XRCC4: variants seen among roughly 807,000 people sequenced by gnomAD.
The protein encoded by XRCC4 is DNA repair protein XRCC4.
XRCC4 carries 28 observed loss-of-function variants against 39.1 expected under a neutral mutation model. The ratio of observed to expected loss-of-function variants is 0.72; its 90% confidence interval spans 0.53 to 0.98. XRCC4 has a LOEUF of 0.98. Among genes scored for constraint, XRCC4 ranks in the 50% least tolerant of loss-of-function variants. The pLI is 0.00. For synonymous variants in XRCC4, 123 were observed against 126.4 expected, an observed-to-expected ratio of 0.97 and a Z score of 0.18; for missense variants, 350 against 376.4, an observed-to-expected ratio of 0.93 and a Z score of 0.58.
chr5:83,122,425 G>C (rs1165095807), intron 3 of XRCC4, among the ~76,000 whole-genome samples: 1 of 152,090 alleles, frequency 6.6e-6, no homozygotes, highest in Admixed American at 6.6e-5. Context: ...CATCCAATGG[G>C]AAGAAGGCAG....
At chr5:83,222,678 C>T (rs916196711) in intron 6 of XRCC4, among the ~76,000 whole-genome samples, 2 of 151,954 alleles carry the variant, frequency 1.3e-5, no homozygotes, top group Admixed American at 6.6e-5. Context: ...TTTATTTCAT[C>T]GTGGTCAGAA....
the XRCC4 span, among the ~76,000 whole-genome samples, chr5:83,363,393 G>T: frequency 6.6e-6 from 1 of 152,100 alleles, no homozygotes. Flanking sequence ...ACCTGAATAA[G>T]CATCTGTGAA....
the XRCC4 span, among the ~76,000 whole-genome samples, chr5:83,371,670 C>T: frequency 3.9e-5 from 6 of 152,056 alleles, no homozygotes; most frequent in African/African-American, 1.4e-4. Flanking sequence ...TTGGCTGGTA[C>T]ATGAGTGTGT....
intron 3 of XRCC4, among the ~76,000 whole-genome samples, chr5:83,170,265 A>C (rs1400333267): frequency 6.6e-6 from 1 of 152,068 alleles, no homozygotes; most frequent in Admixed American, 6.6e-5. Context: ...TAACTGTCCA[A>C]CTCCTTTACT....
At chr5:83,285,243 G>T (rs1456187082) in intron 7 of XRCC4, among the ~76,000 whole-genome samples, 1 of 152,088 alleles carries the variant, frequency 6.6e-6, no homozygotes, top group African/African-American at 2.4e-5. Flanking sequence ...TAAATGTGTA[G>T]AAGTTTACAT....
At chr5:83,365,566 G>C in the XRCC4 span, among the ~76,000 whole-genome samples, 1 of 152,212 alleles carries the variant, frequency 6.6e-6, no homozygotes, top group South Asian at 2.1e-4. Context: ...ACAGCCCTTC[G>C]TGAAAGCTGA....
chr5:83,139,763 G>A (rs1310846169), intron 3 of XRCC4, among the ~76,000 whole-genome samples: 1 of 152,050 alleles, frequency 6.6e-6, no homozygotes, highest in Non-Finnish European at 1.5e-5. Flanking sequence ...TAATACAGTG[G>A]TAAATCTTTG....
chr5:83,294,671 C>G (rs958011870), intron 7 of XRCC4, among the ~76,000 whole-genome samples: 2 of 151,582 alleles, frequency 1.3e-5, no homozygotes, highest in Admixed American at 1.3e-4. Flanking sequence ...AGTTCATAGG[C>G]AAATAATAAT....
At chr5:83,170,161 ATACT>A (rs776053967) in intron 3 of XRCC4, among the ~76,000 whole-genome samples, 1 of 152,178 alleles carries the variant, frequency 6.6e-6, no homozygotes, top group Non-Finnish European at 1.5e-5. Flanking sequence ...TACCAATAAC[ATACT>A]TAGTAACATT....
At chr5:83,316,588 G>A (rs748992561) in intron 7 of XRCC4, among the ~76,000 whole-genome samples, 2,930 of 149,900 alleles carry the variant, frequency 0.02, 43 homozygotes, top group Non-Finnish European at 0.029. Flanking sequence ...AACCAACAAA[G>A]ATCAAAAGAG....
rs1422688543 is a variant in XRCC4 at position 83,298,121 on chromosome 5, C to CAA, written c.893+39446_893+39447dup. Among the ~76,000 whole-genome samples the CAA allele has an allele frequency of 4.6e-5, 7 of 151,566 alleles. No individual in the cohort carries two copies. In the East Asian group the frequency reaches 1.4e-3, roughly 29 times the overall value. On this transcript the variant is annotated intron_variant, in intron 7 of 7. Coordinates refer to ENST00000396027, the MANE Select transcript of XRCC4 (RefSeq NM_003401.5). Reference sequence around the variant, plus strand: ...GCTTAGAGAGGTTAAATAAGTTCAACAAAGTCGTAAAGCACATAAATGACA... The same window carrying CAA: ...GCTTAGAGAGGTTAAATAAGTTCAACAAAAAGTCGTAAAGCACATAAATGACA...
chr5:83,255,111 G>GAA (rs1753487733), intron 6 of XRCC4, among the ~76,000 whole-genome samples: 6 of 149,388 alleles, frequency 4.0e-5, no homozygotes, highest in Admixed American at 6.6e-5. Flanking sequence ...AAAAAGAAAA[G>GAA]AAATTTGAAA....
At chr5:83,310,904 G>T (rs1421462340) in intron 7 of XRCC4, 4 of 455,298 alleles carry the variant, frequency 8.8e-6, no homozygotes, top group Non-Finnish European at 1.3e-5. Context: ...ACAGATCCAA[G>T]AACTGAAGCT....
chr5:83,218,009 C>T (rs1039971616), intron 6 of XRCC4, among the ~76,000 whole-genome samples: 1 of 151,272 alleles, frequency 6.6e-6, no homozygotes, highest in Non-Finnish European at 1.5e-5. Context: ...AGTATGTGGT[C>T]GCTTATTTAA....
chr5:83,101,979 T>C (rs201758690), intron 1 of XRCC4, among the ~76,000 whole-genome samples: 1 of 42,886 alleles, frequency 2.3e-5, no homozygotes, highest in East Asian at 2.9e-4. Flanking sequence ...TTAGTTGATA[T>C]TAAACTCAAA....
At chr5:83,343,519 G>C (rs1756825517) in intron 7 of XRCC4, among the ~76,000 whole-genome samples, 1 of 152,116 alleles carries the variant, frequency 6.6e-6, no homozygotes, top group African/African-American at 2.4e-5. Flanking sequence ...TGTATTTACA[G>C]GTTTGTCAGT....
intron 7 of XRCC4, among the ~76,000 whole-genome samples, chr5:83,343,989 AG>A (rs1324021413): frequency 3.3e-5 from 5 of 152,164 alleles, no homozygotes; most frequent in African/African-American, 4.8e-5. Context: ...TCTTCACAAT[AG>A]CCAAAGCTAC....
intron 6 of XRCC4, among the ~76,000 whole-genome samples, chr5:83,251,112 C>T (rs540754204): frequency 2.0e-4 from 31 of 152,236 alleles, no homozygotes; most frequent in South Asian, 4.1e-4. Context: ...TTAATATTTG[C>T]CTCTGCATAG....
Position 83,224,184 on chromosome 5 carries a change from T to G in XRCC4, c.745+19263T>G, listed in dbSNP as rs186747667. On this transcript the variant is annotated intron_variant, in intron 6 of 7. Coordinates refer to ENST00000396027, the MANE Select transcript of XRCC4 (RefSeq NM_003401.5). ...CAATTTTGTTTATTATTTTCTAGTGTTTTTTTTGTGGATAATTCGTTCCCT... is the reference window on the plus strand; with the variant it reads ...CAATTTTGTTTATTATTTTCTAGTGGTTTTTTTGTGGATAATTCGTTCCCT... Among the ~76,000 whole-genome samples the G allele has an allele frequency of 5.3e-5, 8 of 151,834 alleles. 1 individual carries two copies. The highest frequency in any genetic ancestry group is 1.9e-4 in the East Asian group (1 of 5,134).
Sources: gnomAD v4.1 joint callset for allele counts (sites outside exome capture counted in the v4.1 genomes callset) on GRCh38, gnomAD v4.1.1 for gene constraint, MANE v1.5 for transcripts, NCBI Gene and HGNC (gene_info 2026-07-23, HGNC 2026-07-21) for gene names.